Variants in PAX5 observed in about 807,000 individuals in gnomAD.
PAX5 encodes the protein paired box protein Pax-5.
A neutral mutation model predicts 43.7 loss-of-function variants in PAX5; 9 were observed. That is an observed-to-expected ratio of 0.21 (90% confidence interval 0.12 to 0.36). The LOEUF is 0.36. Ranked by LOEUF, PAX5 falls within the 10% of genes least tolerant of loss-of-function variation. PAX5 has a pLI of 1.00. For synonymous variants in PAX5, 228 were observed against 214.3 expected, an observed-to-expected ratio of 1.06 and a Z score of -0.56; for missense variants, 383 against 532.7, an observed-to-expected ratio of 0.72 and a Z score of 2.77.
intron 5 of PAX5, among the ~76,000 whole-genome samples, chr9:36,973,238 AC>A (rs1461565257): frequency 1.3e-5 from 2 of 151,710 alleles, no homozygotes; most frequent in Non-Finnish European, 2.9e-5. Flanking sequence ...GCACTACAAC[AC>A]CCCCACCTTA....
intron 7 of PAX5, among the ~76,000 whole-genome samples, chr9:36,885,731 G>A (rs1826850961): frequency 6.6e-6 from 1 of 152,182 alleles, no homozygotes; most frequent in Non-Finnish European, 1.5e-5. Flanking sequence ...GGAGGCAGAG[G>A]GAAGATGTGT....
At chr9:36,947,807 C>A (rs1832670623) in intron 6 of PAX5, among the ~76,000 whole-genome samples, 1 of 151,794 alleles carries the variant, frequency 6.6e-6, no homozygotes, top group Non-Finnish European at 1.5e-5. Flanking sequence ...CTCTCCCTTT[C>A]CCAGACTGAA....
At chr9:36,998,163 C>G (rs1391170284) in intron 5 of PAX5, among the ~76,000 whole-genome samples, 1 of 152,206 alleles carries the variant, frequency 6.6e-6, no homozygotes, top group Admixed American at 6.5e-5. Flanking sequence ...TTAACCAGCC[C>G]CAGCTCTTCC....
chr9:36,920,229 C>T (rs1400005206), intron 7 of PAX5, among the ~76,000 whole-genome samples: 1 of 152,112 alleles, frequency 6.6e-6, no homozygotes, highest in East Asian at 1.9e-4. Context: ...AGGGTAGTGG[C>T]AAGGTTTGAG....
chr9:37,014,092 A>C (rs1839189905), intron 3 of PAX5, among the ~76,000 whole-genome samples: 1 of 152,176 alleles, frequency 6.6e-6, no homozygotes, highest in South Asian at 2.1e-4. Context: ...GAGTTTAGAG[A>C]ACCATCATTT....
chr9:37,017,302 T>TGG (rs1839464350), intron 2 of PAX5, among the ~76,000 whole-genome samples: 4 of 152,240 alleles, frequency 2.6e-5, no homozygotes, highest in South Asian at 2.1e-4. Flanking sequence ...AATAAATGAT[T>TGG]GGAAGACTAA....
intron 5 of PAX5, among the ~76,000 whole-genome samples, chr9:36,984,897 C>G (rs551685175): frequency 1.3e-5 from 2 of 152,206 alleles, no homozygotes; most frequent in African/African-American, 4.8e-5. Context: ...AGTGGTCACA[C>G]TATAAAGCCA....
chr9:36,967,543 A>T (rs12115686), intron 5 of PAX5, among the ~76,000 whole-genome samples: 3,082 of 152,332 alleles, frequency 0.02, 90 homozygotes, highest in African/African-American at 0.07. Context: ...ATTGATATGA[A>T]AAGATCTTCA....
intron 5 of PAX5, among the ~76,000 whole-genome samples, chr9:36,967,349 C>T (rs1299770447): frequency 3.9e-5 from 6 of 152,194 alleles, no homozygotes; most frequent in African/African-American, 1.4e-4. Flanking sequence ...GATTGCACTT[C>T]TGGGAATTTA....
At position 36,835,625 on chromosome 9, in the gene PAX5, A is replaced by T. The variant is rs536687512; in HGVS notation, c.*4935T>A. On this transcript the variant is annotated 3_prime_UTR_variant, in exon 10 of 10. Transcript: ENST00000358127. ...GCTAGGAGTCGTGGCCTGACTGTCC[A>T]ACTTTCCAATAATGCATTTTATTAC... 4.3e-6 allele frequency: 1 copy of T among 233,348 alleles called. No individual in the cohort carries two copies. The highest frequency in any genetic ancestry group is 5.6e-5 in the Admixed American group (1 of 17,814). The allele number at this position is 233,348 out of a possible 1,614,324, so 14.5% of individuals were successfully genotyped here.
intron 1 of PAX5, among the ~76,000 whole-genome samples, chr9:37,032,213 A>G (rs1407575005): frequency 6.6e-6 from 1 of 151,486 alleles, no homozygotes; most frequent in African/African-American, 2.4e-5. Flanking sequence ...TGCTTTATTG[A>G]TTAAATGATT....
intron 7 of PAX5, among the ~76,000 whole-genome samples, chr9:36,900,505 C>T (rs1828283168): frequency 1.3e-5 from 2 of 151,990 alleles, no homozygotes; most frequent in Non-Finnish European, 2.9e-5. Context: ...TTAGAAAATC[C>T]CTTTTCTGCT....
At chr9:36,875,377 A>C (rs570423462) in intron 8 of PAX5, among the ~76,000 whole-genome samples, 1 of 152,366 alleles carries the variant, frequency 6.6e-6, no homozygotes, top group Admixed American at 6.5e-5. Flanking sequence ...ATTATTGTAC[A>C]GCTCTTACAT....
In PAX5 at chr9:36,888,028, T is replaced by C. The variant is rs138540492; in HGVS notation, c.911-5923A>G. ...GGCTAACAAGCACATGAAAAGATGT[T>C]CAACATCATTAGCTCTCAGGGAAAT... On this transcript the variant is annotated intron_variant, in intron 7 of 9. Transcript: ENST00000358127. 7.2e-3 allele frequency among the ~76,000 whole-genome samples: 1,096 copies of C among 152,312 alleles called. 9 individuals are homozygous for C. Among genetic ancestry groups the C allele is most frequent in the African/African-American group, 0.025 (1,055 of 41,558 alleles).
At chr9:36,991,472 C>A (rs1836932038) in intron 5 of PAX5, among the ~76,000 whole-genome samples, 1 of 152,014 alleles carries the variant, frequency 6.6e-6, no homozygotes, top group Non-Finnish European at 1.5e-5. Context: ...AGAGTAGAAC[C>A]AAGGACTCTA....
chr9:36,867,402 C>T (rs1825003012), intron 8 of PAX5, among the ~76,000 whole-genome samples: 1 of 152,240 alleles, frequency 6.6e-6, no homozygotes, highest in Non-Finnish European at 1.5e-5. Context: ...CAAAATCCTT[C>T]CCTTGTCATC....
chr9:36,959,927 G>A (rs916034141), intron 6 of PAX5, among the ~76,000 whole-genome samples: 4 of 152,234 alleles, frequency 2.6e-5, no homozygotes, highest in African/African-American at 9.6e-5. Flanking sequence ...GCACAACGGG[G>A]ATGATGGGAG....
intron 6 of PAX5, among the ~76,000 whole-genome samples, chr9:36,937,304 G>C (rs1831638081): frequency 6.6e-6 from 1 of 152,124 alleles, no homozygotes; most frequent in African/African-American, 2.4e-5. Flanking sequence ...TGAGACACAA[G>C]GTGCCAAAAT....
intron 6 of PAX5, among the ~76,000 whole-genome samples, chr9:36,926,802 T>C (rs1053501745): frequency 6.6e-6 from 1 of 152,120 alleles, no homozygotes; most frequent in African/African-American, 2.4e-5. Flanking sequence ...GTGTGCAACA[T>C]GATGTGTGAA....
Sources: gnomAD v4.1 joint callset for allele counts (sites outside exome capture counted in the v4.1 genomes callset) on GRCh38, gnomAD v4.1.1 for gene constraint, MANE v1.5 for transcripts, NCBI Gene and HGNC (gene_info 2026-07-23, HGNC 2026-07-21) for gene names.